The following NUMB variants were observed in gnomAD, a reference collection of about 807,000 sequenced individuals.
The protein encoded by NUMB is NUMB endocytic adaptor protein.
A neutral mutation model predicts 59.7 loss-of-function variants in NUMB; 29 were observed. The ratio of observed to expected loss-of-function variants is 0.49; its 90% confidence interval spans 0.36 to 0.66. NUMB has a LOEUF of 0.66. NUMB is among the 30% of genes least tolerant of loss of function. The pLI, the probability that NUMB is intolerant of heterozygous loss-of-function variation, is 0.00. For synonymous variants in NUMB, 288 were observed against 288.2 expected (o/e 1.00, Z 0.01); for missense variants, 723 against 822.0 (o/e 0.88, Z 1.47).
At chr14:73,296,460 A>ACT (rs1889777724) in intron 7 of NUMB, among the ~76,000 whole-genome samples, 1 of 150,646 alleles carries the variant, frequency 6.6e-6, no homozygotes, top group African/African-American at 2.4e-5. Flanking sequence ...AAAAAAAAGA[A>ACT]CTCAGATCTT....
chr14:73,402,154 C>G, intron 2 of NUMB, among the ~76,000 whole-genome samples: 1 of 152,132 alleles, frequency 6.6e-6, no homozygotes, highest in East Asian at 1.9e-4. Context: ...GAGTGAGCCA[C>G]TGCACCTGGC....
At chr14:73,342,683 C>A (rs1892697729) in intron 4 of NUMB, among the ~76,000 whole-genome samples, 1 of 152,082 alleles carries the variant, frequency 6.6e-6, no homozygotes, top group Non-Finnish European at 1.5e-5. Flanking sequence ...TAACCAATAA[C>A]AGCAGCAGCA....
Position 73,284,377 on chromosome 14 carries a change from C to T in NUMB, c.656-3G>A, listed in dbSNP as rs1227288167. ...AACGACTATCTTATCTGTTTCAGCTCAAGAAAATAAAGAGAATGAAGACCT... is the reference window on the plus strand; with the variant it reads ...AACGACTATCTTATCTGTTTCAGCTTAAGAAAATAAAGAGAATGAAGACCT... On this transcript the variant is annotated splice_polypyrimidine_tract_variant and splice_region_variant and intron_variant, in intron 9 of 12. Coordinates refer to ENST00000555238, the MANE Select transcript of NUMB (RefSeq NM_001005743.2). The T allele has an allele frequency of 6.2e-7, 1 of 1,606,236 alleles. No homozygotes were observed. Among genetic ancestry groups the T allele is most frequent in the Admixed American group, 1.7e-5 (1 of 58,980 alleles).
intron 2 of NUMB, among the ~76,000 whole-genome samples, chr14:73,383,160 A>G (rs1895333720): frequency 6.6e-6 from 1 of 152,244 alleles, no homozygotes; most frequent in Non-Finnish European, 1.5e-5. Context: ...AAATAAAAAA[A>G]GAGAAAGATC....
At chr14:73,440,255 A>G (rs947950809) in intron 1 of NUMB, among the ~76,000 whole-genome samples, 1 of 145,550 alleles carries the variant, frequency 6.9e-6, no homozygotes, top group Non-Finnish European at 1.5e-5. Flanking sequence ...ATACATCCAT[A>G]TATCTATAGA....
intron 4 of NUMB, among the ~76,000 whole-genome samples, chr14:73,343,561 G>A (rs973220360): frequency 1.3e-5 from 2 of 152,250 alleles, no homozygotes; most frequent in African/African-American, 4.8e-5. Context: ...CACAACTATG[G>A]CTTGGGCATT....
rs914196611 is a variant in NUMB at position 73,291,086 on chromosome 14, G to GT, written c.450+1647dup. Among the ~76,000 whole-genome samples the GT allele has an allele frequency of 2.8e-3, 396 of 141,906 alleles. 1 individual carries two copies. Among genetic ancestry groups the GT allele is most frequent in the East Asian group, 7.3e-3 (36 of 4,902 alleles). 93.1% of individuals were successfully genotyped at this position (141,906 alleles called of 152,430 possible). ...TATTTCTGTTTAGTTTTTGTTTTTT[G>GT]TTTTTTTTTTTTGAGATGGAGTCTT... On this transcript the variant is annotated intron_variant, in intron 8 of 12. Coordinates refer to ENST00000555238, the MANE Select transcript of NUMB (RefSeq NM_001005743.2).
intron 2 of NUMB, among the ~76,000 whole-genome samples, chr14:73,392,633 G>C (rs1158748714): frequency 5.3e-5 from 8 of 152,128 alleles, no homozygotes; most frequent in African/African-American, 1.9e-4. Flanking sequence ...AGTCAACACA[G>C]ATCTCTAAGT....
chr14:73,319,974 A>G (rs1451198964), intron 5 of NUMB, among the ~76,000 whole-genome samples: 1 of 152,142 alleles, frequency 6.6e-6, no homozygotes, highest in Non-Finnish European at 1.5e-5. Flanking sequence ...TACTAAAAAT[A>G]CAAAAAAACT....
At chr14:73,402,679 G>T (rs1896477226) in intron 2 of NUMB, among the ~76,000 whole-genome samples, 1 of 152,126 alleles carries the variant, frequency 6.6e-6, no homozygotes, top group Non-Finnish European at 1.5e-5. Context: ...CTTCACGACT[G>T]CCTTGAAAGT....
At chr14:73,399,614 T>C (rs1009151403) in intron 2 of NUMB, among the ~76,000 whole-genome samples, 1 of 152,010 alleles carries the variant, frequency 6.6e-6, no homozygotes, top group Admixed American at 6.5e-5. Flanking sequence ...CCATATGCAG[T>C]GGCTGACATC....
intron 3 of NUMB, among the ~76,000 whole-genome samples, chr14:73,365,096 G>A (rs544308521): frequency 7.9e-5 from 12 of 152,336 alleles, no homozygotes; most frequent in Admixed American, 2.0e-4. Context: ...CTGGAGTGCA[G>A]TGGCGTGATC....
At chr14:73,410,358 C>T (rs752711911) in intron 1 of NUMB, among the ~76,000 whole-genome samples, 2 of 152,188 alleles carry the variant, frequency 1.3e-5, no homozygotes, top group African/African-American at 2.4e-5. Flanking sequence ...AAGTCTGATA[C>T]TGTGATGAAG....
intron 1 of NUMB, among the ~76,000 whole-genome samples, chr14:73,449,675 G>A (rs1883789042): frequency 1.4e-5 from 2 of 145,790 alleles, no homozygotes; most frequent in African/African-American, 5.2e-5. Context: ...AGTAGTAAAT[G>A]TTTAAAATAT....
intron 4 of NUMB, among the ~76,000 whole-genome samples, chr14:73,346,436 C>T (rs2139991457): frequency 6.7e-6 from 1 of 149,168 alleles, no homozygotes; most frequent in Non-Finnish European, 1.5e-5. Context: ...ACCGAGACTG[C>T]ACTATTGCAC....
chr14:73,447,672 CT>C (rs1228445871), intron 1 of NUMB, among the ~76,000 whole-genome samples: 1 of 145,284 alleles, frequency 6.9e-6, no homozygotes, highest in African/African-American at 2.6e-5. Context: ...GACCTCATCT[CT>C]ACAAAAAAAA....
chr14:73,413,139 C>T (rs1896968918), intron 1 of NUMB, among the ~76,000 whole-genome samples: 1 of 151,602 alleles, frequency 6.6e-6, no homozygotes, highest in Non-Finnish European at 1.5e-5. Flanking sequence ...GGCTGGAGTG[C>T]AGTGGCGTGA....
chr14:73,322,588 A>AT (rs774639882), intron 5 of NUMB, among the ~76,000 whole-genome samples: 10 of 152,104 alleles, frequency 6.6e-5, no homozygotes, highest in Non-Finnish European at 1.2e-4. Context: ...CCAGGAAGCT[A>AT]TTTTTTACAG....
intron 1 of NUMB, among the ~76,000 whole-genome samples, chr14:73,457,268 T>C (rs1258862667): frequency 6.6e-6 from 1 of 152,152 alleles, no homozygotes; most frequent in Non-Finnish European, 1.5e-5. Context: ...ACCCTGTCAA[T>C]GAACCTATTT....
Sources: gnomAD v4.1 joint callset for allele counts (sites outside exome capture counted in the v4.1 genomes callset) on GRCh38, gnomAD v4.1.1 for gene constraint, MANE v1.5 for transcripts, NCBI Gene and HGNC (gene_info 2026-07-23, HGNC 2026-07-21) for gene names.